MAPK8IP3: variants seen among roughly 807,000 people sequenced by gnomAD.
The protein encoded by MAPK8IP3 is mitogen-activated protein kinase 8 interacting protein 3.
Under a neutral mutation model 157.8 loss-of-function variants are expected in MAPK8IP3, and 49 were observed. That is an observed-to-expected ratio of 0.31 (90% CI 0.25 to 0.39). The LOEUF (loss-of-function observed/expected upper bound fraction) is 0.39. Ranked by LOEUF, MAPK8IP3 falls within the 10% of genes least tolerant of loss-of-function variation. MAPK8IP3 has a pLI of 1.00. For synonymous variants in MAPK8IP3, 897 were observed against 777.7 expected (o/e 1.15, Z -2.55); for missense variants, 1,478 against 1,889.4 (o/e 0.78, Z 4.04).
intron 6 of MAPK8IP3, 146 bp downstream of exon 6, chr16:1,747,421 G>T: frequency 1.6e-6 from 2 of 1,224,364 alleles, no homozygotes; most frequent in Non-Finnish European, 2.2e-6. Context: ...CCAAGATCAA[G>T]GCGCTGGCAG....
rs546214481 is a variant in MAPK8IP3 at position 1,754,161 on chromosome 16, G to T, written c.1217-3987G>T. Among the ~76,000 whole-genome samples the T allele has an allele frequency of 8.7e-5, 13 of 149,430 alleles. No homozygotes were observed. In the South Asian group the frequency reaches 2.5e-3, roughly 29 times the overall value. ...GCACTGCAGCCTGGGCAGTAAGAGC[G>T]AAACTCTGTCTCAAAAAAAAAAAAA... On this transcript the variant is annotated intron_variant, in intron 8 of 31. Transcript: ENST00000610761.
At chr16:1,731,355 C>T (rs150124949) in intron 4 of MAPK8IP3, among the ~76,000 whole-genome samples, 2 of 152,174 alleles carry the variant, frequency 1.3e-5, no homozygotes, top group Non-Finnish European at 2.9e-5. Context: ...AATCAGTACT[C>T]AGAGCACTTA....
chr16:1,764,079 G>A (rs756363354), intron 17 of MAPK8IP3, 36 bp from the exon 18 acceptor site: 23 of 1,552,274 alleles, frequency 1.5e-5, no homozygotes, highest in Non-Finnish European at 1.8e-5. Context: ...GTAGGAGCCA[G>A]GGTTCGTGCC....
Position 1,769,285 on chromosome 16 carries a change from G to A in MAPK8IP3, c.*461G>A. 1.6e-5 allele frequency: 3 copies of A among 188,592 alleles called. No homozygotes were observed. The highest frequency in any genetic ancestry group is 1.9e-4 in the South Asian group (2 of 10,570). The allele number at this position is 188,592 out of a possible 1,614,324, so 11.7% of individuals were successfully genotyped here. The stretch of plus-strand genomic sequence containing the variant: ...CTCCTGGGCCCTCACTCTGCCTAGG[G>A]GAGCTGGGCCAGGCACTAGCCTTTG... On this transcript the variant is annotated 3_prime_UTR_variant, in exon 32 of 32. Coordinates refer to ENST00000610761, the MANE Select transcript of MAPK8IP3 (RefSeq NM_001318852.2).
chr16:1,762,316 G>C, intron 13 of MAPK8IP3, 35 bp from the exon 14 acceptor site: 1 of 1,543,164 alleles, frequency 6.5e-7, no homozygotes. Context: ...CGGCCTCCGA[G>C]GGCTGGCTGA....
rs1596825131 is a variant in MAPK8IP3 at position 1,769,011 on chromosome 16, G to A, written c.*187G>A. 2 of 671,684 alleles carry A rather than the reference G, an allele frequency of 3.0e-6. No homozygotes were observed. The highest frequency in any genetic ancestry group is 5.0e-6 in the Non-Finnish European group (2 of 401,862). 41.6% of individuals were successfully genotyped at this position (671,684 alleles called of 1,614,324 possible). A position where few individuals can be genotyped will look rare whatever the true frequency, so the allele number is the denominator to read the frequency against. ...GATGCGGATCAGCTGGGAGGAGGAG[G>A]GGAGGGGAACTTCCACCCGAGGGGA... On this transcript the variant is annotated 3_prime_UTR_variant, in exon 32 of 32. Transcript: ENST00000610761.
intron 1 of MAPK8IP3, among the ~76,000 whole-genome samples, chr16:1,712,454 A>C (rs117116915): frequency 6.6e-6 from 1 of 151,662 alleles, no homozygotes; most frequent in African/African-American, 2.4e-5. Flanking sequence ...GGCCACTCCC[A>C]CCGCCGCCAC....
chr16:1,767,947 GTGGTGCT>G, intron 28 of MAPK8IP3, 29 bp downstream of exon 28: 2 of 1,607,708 alleles, frequency 1.2e-6, no homozygotes. Context: ...TGCAGGGGCA[GTGGTGCT>G]GCCAGAGGTG....
chr16:1,729,442 C>G, intron 3 of MAPK8IP3, 45 bp from the exon 4 acceptor site: 1 of 1,548,182 alleles, frequency 6.5e-7, no homozygotes, highest in Non-Finnish European at 8.8e-7. Flanking sequence ...GGGACGGAGA[C>G]AGCCCCCCAC....
At chr16:1,759,500 G>A (rs1168725769) in intron 10 of MAPK8IP3, among the ~76,000 whole-genome samples, 1 of 152,126 alleles carries the variant, frequency 6.6e-6, no homozygotes, top group Non-Finnish European at 1.5e-5. Context: ...CTTCAGTCCT[G>A]CCAGGGAGCC....
intron 4 of MAPK8IP3, among the ~76,000 whole-genome samples, chr16:1,739,571 T>TGTGTGTGACCGTCC (rs1432179223): frequency 7.8e-6 from 1 of 127,886 alleles, no homozygotes; most frequent in Non-Finnish European, 1.6e-5. Context: ...ACCGTTCGTG[T>TGTGTGTGACCGTCC]GTGTGTGACC....
At chr16:1,738,367 T>A (rs2040238506) in intron 4 of MAPK8IP3, among the ~76,000 whole-genome samples, 2 of 94,478 alleles carry the variant, frequency 2.1e-5, no homozygotes, top group Non-Finnish European at 2.0e-5. Flanking sequence ...TCCGTGTGAG[T>A]GTGACCATCC....
chr16:1,765,681 G>C (rs2042216028), intron 20 of MAPK8IP3, among the ~76,000 whole-genome samples: 1 of 152,184 alleles, frequency 6.6e-6, no homozygotes, highest in South Asian at 2.1e-4. Flanking sequence ...GGTCCTGAGG[G>C]TCTGCCACAG....
intron 5 of MAPK8IP3, chr16:1,744,289 G>A: frequency 1.0e-6 from 1 of 985,708 alleles, no homozygotes; most frequent in Non-Finnish European, 1.2e-6. Context: ...GAGCCCTTGG[G>A]GCCTGTGGGC....
chr16:1,723,155 T>A (rs1284734510), intron 1 of MAPK8IP3, among the ~76,000 whole-genome samples: 1 of 151,812 alleles, frequency 6.6e-6, no homozygotes, highest in Non-Finnish European at 1.5e-5. Context: ...CGCCTCAGCC[T>A]CCCAAGTAGC....
chr16:1,755,019 G>A (rs545210297), intron 8 of MAPK8IP3, among the ~76,000 whole-genome samples: 1 of 152,302 alleles, frequency 6.6e-6, no homozygotes, highest in African/African-American at 2.4e-5. Context: ...CTCTATGAAT[G>A]GATCTGAAGT....
chr16:1,727,334 T>A (rs2038953128), intron 2 of MAPK8IP3, among the ~76,000 whole-genome samples: 1 of 151,266 alleles, frequency 6.6e-6, no homozygotes, highest in South Asian at 2.1e-4. Context: ...GGCGTCTGTG[T>A]GAGTCGTGTG....
intron 4 of MAPK8IP3, among the ~76,000 whole-genome samples, chr16:1,730,045 A>C (rs71385711): frequency 5.8e-5 from 4 of 68,904 alleles, no homozygotes; most frequent in African/African-American, 2.6e-4. Flanking sequence ...TTGTCTCTAC[A>C]AAAAAAAAAA....
chr16:1,729,983 A>G (rs370174169), intron 4 of MAPK8IP3, among the ~76,000 whole-genome samples: 1 of 135,138 alleles, frequency 7.4e-6, no homozygotes, highest in African/African-American at 2.7e-5. Context: ...CCAAGGCAGG[A>G]GGATTACTTG....
Sources: gnomAD v4.1 joint callset for allele counts (sites outside exome capture counted in the v4.1 genomes callset) on GRCh38, gnomAD v4.1.1 for gene constraint, MANE v1.5 for transcripts, NCBI Gene and HGNC (gene_info 2026-07-23, HGNC 2026-07-21) for gene names.